The following IKBKE variants were observed in gnomAD, a reference collection of about 807,000 sequenced individuals.
IKBKE encodes the protein inhibitor of nuclear factor kappa B kinase subunit epsilon.
IKBKE carries 45 observed loss-of-function variants against 92.1 expected under a neutral mutation model. That is an observed-to-expected ratio of 0.49 (90% CI 0.38 to 0.63). IKBKE has a LOEUF of 0.63. Among genes scored for constraint, IKBKE ranks in the 20% least tolerant of loss-of-function variants. The pLI is 0.00. For missense variants in IKBKE, 700 were observed against 932.8 expected (o/e 0.75, Z 3.25); for synonymous variants, 374 against 380.3 (o/e 0.98, Z 0.19).
Position 206,478,252 on chromosome 1 carries a change from C to G in IKBKE, c.905C>G (p.Thr302Ser), listed in dbSNP as rs578108079. The stretch of plus-strand genomic sequence containing the variant: ...GGCTTCGACCAGTTCTTTGCGGAGA[C>G]CAGTGACATCCTGCAGCGAGTTGTC... ...CWGFDQFFAETSDILQRVVVH... is the reference protein window; with the variant it reads ...CWGFDQFFAESSDILQRVVVH... The change falls in exon 9 of 22, where the codon ACC becomes AGC. Residue 302 changes from threonine (T) to serine (S), a missense_variant. Transcript: ENST00000581977. This position sits in a 1 kb window ranked among gnomAD's most constrained non-coding sequence, Gnocchi z 4.8. The G allele has an allele frequency of 1.8e-4, 298 of 1,614,184 alleles. 2 individuals carry two copies. The South Asian group carries it at 3.0e-3, about 16-fold the overall frequency.
Position 206,478,247 on chromosome 1 carries a change from G to A in IKBKE, c.900G>A (p.Ala300=), listed in dbSNP as rs55880936. 374 of 1,614,044 alleles carry A rather than the reference G, an allele frequency of 2.3e-4. No individual in the cohort carries two copies. Among genetic ancestry groups the A allele is most frequent in the Middle Eastern group, 9.9e-4 (6 of 6,084 alleles). Reference sequence around the variant, plus strand: ...GCTGGGGCTTCGACCAGTTCTTTGCGGAGACCAGTGACATCCTGCAGCGAG... The same window carrying A: ...GCTGGGGCTTCGACCAGTTCTTTGCAGAGACCAGTGACATCCTGCAGCGAG... ...AKCWGFDQFF[A]ETSDILQRVV... The change falls in exon 9 of 22, where the codon GCG becomes GCA. Residue 300 remains alanine (A), a synonymous_variant. Coordinates refer to ENST00000581977, the MANE Select transcript of IKBKE (RefSeq NM_014002.4). This position sits in a 1 kb window ranked among gnomAD's most constrained non-coding sequence, Gnocchi z 4.8.
At chr1:206,474,753 G>A in intron 4 of IKBKE, 112 bp from the exon 5 acceptor site, 1 of 1,334,510 alleles carries the variant, frequency 7.5e-7, no homozygotes, top group Non-Finnish European at 1.0e-6. Flanking sequence ...GGCCAGGCCA[G>A]AAGCTGGGAC....
At position 206,478,835 on chromosome 1, in the gene IKBKE, C is replaced by A; in HGVS notation, c.993-108C>A. The A allele has an allele frequency of 1.1e-6, 1 of 869,734 alleles. No individual in the cohort carries two copies. The highest frequency in any genetic ancestry group is 1.9e-6 in the Non-Finnish European group (1 of 515,456). The allele number at this position is 869,734 out of a possible 1,614,324, so 53.9% of individuals were successfully genotyped here. A position where few individuals can be genotyped will look rare whatever the true frequency, so the allele number is the denominator to read the frequency against. On this transcript the variant is annotated intron_variant, in intron 9 of 21. Coordinates refer to ENST00000581977, the MANE Select transcript of IKBKE (RefSeq NM_014002.4). The surrounding 1 kb of genome is among the most constrained non-coding windows in gnomAD (Gnocchi z 4.8). Reference sequence around the variant, plus strand: ...CACCCCCGTCCCTCCCTCTGCAAAACAGAGCCCTGTCTATGGGCAACGCTT... The same window carrying A: ...CACCCCCGTCCCTCCCTCTGCAAAAAAGAGCCCTGTCTATGGGCAACGCTT...
intron 13 of IKBKE, among the ~76,000 whole-genome samples, chr1:206,481,576 T>C (rs1172797707): frequency 6.6e-6 from 1 of 152,100 alleles, no homozygotes; most frequent in Non-Finnish European, 1.5e-5. Flanking sequence ...GAATCTCCTT[T>C]GAGCAGAGCT....
At chr1:206,492,304 T>TC in intron 18 of IKBKE, 1 of 393,070 alleles carries the variant, frequency 2.5e-6, no homozygotes, top group South Asian at 2.0e-5. Flanking sequence ...CCACTCTCCA[T>TC]CCCCTGCCTG....
Position 206,473,247 on chromosome 1 carries a change from A to G in IKBKE, c.20A>G (p.Tyr7Cys). 1.9e-6 allele frequency: 3 copies of G among 1,612,850 alleles called. No homozygotes were observed. Among genetic ancestry groups the G allele is most frequent in the Non-Finnish European group, 2.5e-6 (3 of 1,179,486 alleles). MQSTAN[Y>C]LWHTDDLLGQ... is the part of the protein sequence containing the mutation. ...CAGGAGATGCAGAGCACAGCCAATT[A>G]CCTGTGGCACACAGATGACCTGCTG... The change falls in exon 3 of 22, where the codon TAC (tyrosine) becomes TGC (cysteine). Residue 7 changes from tyrosine (Y) to cysteine (C), a missense_variant. Transcript: ENST00000581977.
chr1:206,489,974 C>T (rs1290462007), intron 16 of IKBKE, among the ~76,000 whole-genome samples: 5 of 152,120 alleles, frequency 3.3e-5, no homozygotes, highest in Non-Finnish European at 7.3e-5. Flanking sequence ...CAGGCTCTCT[C>T]GCATGAGCCT....
chr1:206,478,268 G>A lies in IKBKE; in HGVS notation c.921G>A (p.Gln307=). 6.2e-7 allele frequency: 1 copy of A among 1,614,180 alleles called. No individual in the cohort carries two copies. The highest frequency in any genetic ancestry group is 8.5e-7 in the Non-Finnish European group (1 of 1,180,032). The change falls in exon 9 of 22, where the codon CAG becomes CAA. Residue 307 remains glutamine, a synonymous_variant. Coordinates refer to ENST00000581977, the MANE Select transcript of IKBKE (RefSeq NM_014002.4). The surrounding 1 kb of genome is among the most constrained non-coding windows in gnomAD (Gnocchi z 4.8). ...QFFAETSDIL[Q]RVVVHVFSLS... is the part of the protein sequence containing the mutation. Reference sequence around the variant, plus strand: ...TTGCGGAGACCAGTGACATCCTGCAGCGAGTTGTCGTCCATGTCTTCTCCC... The same window carrying A: ...TTGCGGAGACCAGTGACATCCTGCAACGAGTTGTCGTCCATGTCTTCTCCC...
chr1:206,480,287 G>T (rs1553386704), intron 12 of IKBKE, among the ~76,000 whole-genome samples, 160 bp from the exon 13 acceptor site: 1 of 133,040 alleles, frequency 7.5e-6, no homozygotes, highest in Non-Finnish European at 1.6e-5. Context: ...AGGCGGGCTG[G>T]AGGGGGAGGC....
rs367851984 is a variant in IKBKE, at chr1:206,477,699, C to T, written c.702-50C>T. 3.1e-4 allele frequency: 369 copies of T among 1,176,610 alleles called. 1 individual carries two copies. Among genetic ancestry groups the T allele is most frequent in the Middle Eastern group, 6.6e-4 (3 of 4,524 alleles). 72.9% of individuals were successfully genotyped at this position (1,176,610 alleles called of 1,614,324 possible). On this transcript the variant is annotated intron_variant, in intron 7 of 21. Transcript: ENST00000581977. Reference sequence around the variant, plus strand: ...CCTTTGTGCTGAGTGTGTCGTTGCCCGGCAATGTGATAGCTGGGGATCCCG... The same window carrying T: ...CCTTTGTGCTGAGTGTGTCGTTGCCTGGCAATGTGATAGCTGGGGATCCCG...
chr1:206,485,125 G>A lies in IKBKE; in HGVS notation c.1503+53G>A. The A allele has an allele frequency of 6.3e-7, 1 of 1,591,764 alleles. No homozygotes were observed. The highest frequency in any genetic ancestry group is 8.6e-7 in the Non-Finnish European group (1 of 1,159,792). ...AGCAGGATCAGAGCTGGGGGCCCGT[G>A]TTCCAGCCAGCCTGCCCACCAGTGC... On this transcript the variant is annotated intron_variant, in intron 14 of 21. Coordinates refer to ENST00000581977, the MANE Select transcript of IKBKE (RefSeq NM_014002.4). This position sits in a 1 kb window ranked among gnomAD's most constrained non-coding sequence, Gnocchi z 5.0.
rs1175979764 is a variant in IKBKE at position 206,490,197 on chromosome 1, C to G, written c.1694-622C>G. On this transcript the variant is annotated intron_variant, in intron 16 of 21. Transcript: ENST00000581977. The surrounding 1 kb of genome is among the most constrained non-coding windows in gnomAD (Gnocchi z 5.2). ...GGATGGGGAGGCCCTCGAAGTGAAC[C>G]GCCATCATCATTTCATCTTGGGGCT... Among the ~76,000 whole-genome samples, 1 of 152,148 alleles carries G rather than the reference C, an allele frequency of 6.6e-6. No homozygotes were observed. Among genetic ancestry groups the G allele is most frequent in the Non-Finnish European group, 1.5e-5 (1 of 68,014 alleles).
rs187136164 is a variant in IKBKE, at chr1:206,476,673, G to A, written c.541-5G>A. On this transcript the variant is annotated splice_polypyrimidine_tract_variant and splice_region_variant and intron_variant, in intron 6 of 21. Coordinates refer to ENST00000581977, the MANE Select transcript of IKBKE (RefSeq NM_014002.4). The surrounding 1 kb of genome is among the most constrained non-coding windows in gnomAD (Gnocchi z 5.1). ...CCATGGCCTCATTCTGGTTCTCTCC[G>A]GCAGCATCCCGACATGTATGAGCGG... The A allele has an allele frequency of 2.2e-5, 36 of 1,614,088 alleles. No individual in the cohort carries two copies. The Admixed American group carries it at 2.5e-4, about 11-fold the overall frequency.
At chr1:206,492,961 G>T in intron 18 of IKBKE, 62 bp from the exon 19 acceptor site, 1 of 1,420,730 alleles carries the variant, frequency 7.0e-7, no homozygotes, top group Non-Finnish European at 9.7e-7. Flanking sequence ...TGGCAGCTAG[G>T]CGAGCCCTGG....
At position 206,476,340 on chromosome 1, in the gene IKBKE, T is replaced by G; in HGVS notation, c.518T>G (p.Val173Gly). Reference protein sequence around the residue: ...ELDDDEKFVSVYGTEEYLHPD... With the variant: ...ELDDDEKFVSGYGTEEYLHPD... ...GATGATGATGAGAAGTTCGTCTCGGTCTATGGGACTGAGGAGTACCTGGTG... is the reference window on the plus strand; with the variant it reads ...GATGATGATGAGAAGTTCGTCTCGGGCTATGGGACTGAGGAGTACCTGGTG... The change falls in exon 6 of 22, where the codon GTC becomes GGC. Residue 173 changes from valine to glycine, a missense_variant. Coordinates refer to ENST00000581977, the MANE Select transcript of IKBKE (RefSeq NM_014002.4). The surrounding 1 kb of genome is among the most constrained non-coding windows in gnomAD (Gnocchi z 5.1). 6.2e-7 allele frequency: 1 copy of G among 1,612,916 alleles called. No individual in the cohort carries two copies. The highest frequency in any genetic ancestry group is 8.5e-7 in the Non-Finnish European group (1 of 1,179,340).
chr1:206,478,798 G>A lies in IKBKE; in HGVS notation c.993-145G>A, dbSNP rs1480495598. 5.7e-6 allele frequency: 4 copies of A among 703,984 alleles called. No individual in the cohort carries two copies. The East Asian group carries it at 7.5e-5, about 13-fold the overall frequency. 43.6% of individuals were successfully genotyped at this position (703,984 alleles called of 1,614,324 possible). ...TCCCCTTGGTCTCTCCACCCTTGAT[G>A]ACAGAGAAAACCACCCCCGTCCCTC... On this transcript the variant is annotated intron_variant, in intron 9 of 21. Coordinates refer to ENST00000581977, the MANE Select transcript of IKBKE (RefSeq NM_014002.4). The surrounding 1 kb of genome is among the most constrained non-coding windows in gnomAD (Gnocchi z 4.8).
At position 206,476,464 on chromosome 1, in the gene IKBKE, C is replaced by G; in HGVS notation, c.540+102C>G. The G allele has an allele frequency of 7.9e-7, 1 of 1,260,942 alleles. No homozygotes were observed. The highest frequency in any genetic ancestry group is 2.1e-4 in the Middle Eastern group (1 of 4,756). The allele number at this position is 1,260,942 out of a possible 1,614,324, so 78.1% of individuals were successfully genotyped here. ...AGGGGGTGTGGCCCACCTCCTGCTTCCACAGGAGTTATGTCTCTCCCCTGT... is the reference window on the plus strand; with the variant it reads ...AGGGGGTGTGGCCCACCTCCTGCTTGCACAGGAGTTATGTCTCTCCCCTGT... On this transcript the variant is annotated intron_variant, in intron 6 of 21. Transcript: ENST00000581977. The surrounding 1 kb of genome is among the most constrained non-coding windows in gnomAD (Gnocchi z 5.1).
In IKBKE at chr1:206,476,143, G is replaced by T. The variant is rs555720065; in HGVS notation, c.359-38G>T. 6.8e-6 allele frequency: 11 copies of T among 1,608,366 alleles called. No individual in the cohort carries two copies. The Admixed American group carries it at 1.2e-4, about 17-fold the overall frequency. On this transcript the variant is annotated intron_variant, in intron 5 of 21. Transcript: ENST00000581977. This position sits in a 1 kb window ranked among gnomAD's most constrained non-coding sequence, Gnocchi z 5.1. Reference sequence around the variant, plus strand: ...GAGCCTCAGACACTAGACTGTCCCCGACCAGAGCCAGCTAGTGGCCTCCCC... The same window carrying T: ...GAGCCTCAGACACTAGACTGTCCCCTACCAGAGCCAGCTAGTGGCCTCCCC...
rs199702898 is a variant in IKBKE, at chr1:206,471,742, A to C, written c.-33+497A>C. 1.1e-4 allele frequency among the ~76,000 whole-genome samples: 16 copies of C among 152,142 alleles called. No individual in the cohort carries two copies. In the East Asian group the frequency reaches 3.1e-3, roughly 29 times the overall value. The stretch of plus-strand genomic sequence containing the variant: ...TCTGTGTAATGTCCGCTCCTACCTG[A>C]TCTGAAACTAGGAGTTGACCACCGA... On this transcript the variant is annotated intron_variant, in intron 2 of 21. Transcript: ENST00000581977.
Sources: allele counts gnomAD v4.1 joint callset (sites outside exome capture counted in the v4.1 genomes callset), GRCh38; gene constraint gnomAD v4.1.1; non-coding constraint Gnocchi (gnomAD v3.1); transcripts MANE v1.5; gene names NCBI Gene and HGNC (gene_info 2026-07-23, HGNC 2026-07-21).